IGSF10: variants seen among roughly 807,000 people sequenced by gnomAD.
IGSF10 encodes immunoglobulin superfamily member 10, also known as calvaria mechanical force protein 608.
A neutral mutation model predicts 128.2 loss-of-function variants in IGSF10; 126 were observed. The observed-to-expected ratio is 0.98, with a 90% CI of 0.85 to 1.14. The LOEUF (loss-of-function observed/expected upper bound fraction) is 1.14. IGSF10 is among the 50% of genes most tolerant of loss of function. The pLI is 0.00. For missense variants in IGSF10, 3,295 were observed against 3,149.8 expected, an observed-to-expected ratio of 1.05 and a Z score of -1.10; for synonymous variants, 1,185 against 1,146.2, an observed-to-expected ratio of 1.03 and a Z score of -0.68.
chr3:151,569,092 G>A, the IGSF10 span, among the ~76,000 whole-genome samples: 1 of 152,136 alleles, frequency 6.6e-6, no homozygotes, highest in Admixed American at 6.5e-5. Flanking sequence ...TTTAATTTGA[G>A]ACCGAATCTT....
the IGSF10 span, among the ~76,000 whole-genome samples, chr3:151,517,782 T>C: frequency 6.6e-6 from 1 of 151,962 alleles, no homozygotes; most frequent in Admixed American, 6.6e-5. Flanking sequence ...TCACTCTTGC[T>C]AAATGTAACA....
chr3:151,469,130 T>C, the IGSF10 span, among the ~76,000 whole-genome samples: 1 of 152,264 alleles, frequency 6.6e-6, no homozygotes, highest in African/African-American at 2.4e-5. Flanking sequence ...TCTTTATTCA[T>C]TCTATCATTG....
chr3:151,534,929 A>G, the IGSF10 span, among the ~76,000 whole-genome samples: 1 of 152,006 alleles, frequency 6.6e-6, no homozygotes. Context: ...GTTCTGTCAC[A>G]GTAGTTACAA....
At chr3:151,481,489 C>T in the IGSF10 span, among the ~76,000 whole-genome samples, 1 of 152,174 alleles carries the variant, frequency 6.6e-6, no homozygotes, top group South Asian at 2.1e-4. Flanking sequence ...CTTTCTTGCA[C>T]AGGCTAGTGC....
At chr3:151,504,314 A>G in the IGSF10 span, among the ~76,000 whole-genome samples, 1 of 152,146 alleles carries the variant, frequency 6.6e-6, no homozygotes, top group Non-Finnish European at 1.5e-5. Flanking sequence ...AAATGCTTGC[A>G]AAGGTGGTTT....
chr3:151,564,355 T>G, the IGSF10 span, among the ~76,000 whole-genome samples: 110,810 of 151,832 alleles, frequency 0.73, 40,626 homozygotes, highest in African/African-American at 0.79. Context: ...ATTGGCAGCT[T>G]TGGATCAAAT....
At chr3:151,618,054 C>T in the IGSF10 span, among the ~76,000 whole-genome samples, 1 of 152,062 alleles carries the variant, frequency 6.6e-6, no homozygotes, top group African/African-American at 2.4e-5. Context: ...AACCTAATCC[C>T]CAGTGTGATG....
At chr3:151,574,686 TTTG>T in the IGSF10 span, among the ~76,000 whole-genome samples, 1 of 152,180 alleles carries the variant, frequency 6.6e-6, no homozygotes, top group Admixed American at 6.5e-5. Context: ...CTCAGAGAAG[TTTG>T]TTATTACTGA....
At chr3:151,547,514 T>C in the IGSF10 span, among the ~76,000 whole-genome samples, 1 of 151,872 alleles carries the variant, frequency 6.6e-6, no homozygotes, top group African/African-American at 2.4e-5. Flanking sequence ...AGTATAGACA[T>C]CATGTATTCT....
At chr3:151,570,342 G>A in the IGSF10 span, among the ~76,000 whole-genome samples, 1 of 152,190 alleles carries the variant, frequency 6.6e-6, no homozygotes, top group Non-Finnish European at 1.5e-5. Context: ...CTAGTTTACA[G>A]TCCCACCAAC....
chr3:151,513,639 G>A, the IGSF10 span, among the ~76,000 whole-genome samples: 3 of 152,060 alleles, frequency 2.0e-5, no homozygotes, highest in Admixed American at 6.6e-5. Flanking sequence ...GGCAGGAGAA[G>A]GAAATAAAGG....
In IGSF10 at chr3:151,436,872, C is replaced by CTT. The variant is rs751776008; in HGVS notation, c.7688_7689insAA (p.Met2564ArgfsTer28). On this transcript the variant is annotated frameshift_variant, in exon 8 of 8. Transcript: ENST00000282466. LOFTEE classifies it low-confidence loss of function (END_TRUNC). ...TTGAGAGAAGGGAGTGGTCAGGCAT[C>CTT]TCCCATGTGATTTCTGGCTTGGGAA... The CTT allele has an allele frequency of 9.3e-6, 15 of 1,614,056 alleles. No homozygotes were observed. The highest frequency in any genetic ancestry group is 1.2e-5 in the Non-Finnish European group (14 of 1,180,040).
the IGSF10 span, among the ~76,000 whole-genome samples, chr3:151,474,917 C>T: frequency 6.6e-6 from 1 of 152,172 alleles, no homozygotes; most frequent in East Asian, 1.9e-4. Context: ...GAAAGACTTT[C>T]CCCCATGATT....
intron 5 of IGSF10, among the ~76,000 whole-genome samples, chr3:151,452,456 G>T (rs572927964): frequency 6.6e-6 from 1 of 152,024 alleles, no homozygotes; most frequent in Non-Finnish European, 1.5e-5. Context: ...GTAACATATT[G>T]CACTACCACT....
At chr3:151,508,034 C>A in the IGSF10 span, among the ~76,000 whole-genome samples, 1 of 151,782 alleles carries the variant, frequency 6.6e-6, no homozygotes, top group African/African-American at 2.4e-5. Context: ...TAAAACAGTT[C>A]AAAATTACTT....
In IGSF10 at chr3:151,453,787, A is replaced by AC. The variant is rs1338139880; in HGVS notation, c.325-14_325-13insG. ...TCATTTTTAAGACCTATGAATTAAA[A>AC]AAAAGAACATATTTATGTTGTCAAA... On this transcript the variant is annotated splice_polypyrimidine_tract_variant and intron_variant, in intron 4 of 7. Coordinates refer to ENST00000282466, the MANE Select transcript of IGSF10 (RefSeq NM_178822.5). The AC allele has an allele frequency of 2.1e-6, 3 of 1,430,810 alleles. No individual in the cohort carries two copies. In the African/African-American group the frequency reaches 4.3e-5, roughly 21 times the overall value. The allele number at this position is 1,430,810 out of a possible 1,614,324, so 88.6% of individuals were successfully genotyped here. A position where few individuals can be genotyped will look rare whatever the true frequency, so the allele number is the denominator to read the frequency against.
In IGSF10 at chr3:151,437,094, G is replaced by A. The variant is rs771272861; in HGVS notation, c.7467C>T (p.Gly2489=). The stretch of plus-strand genomic sequence containing the variant: ...CTGTTGCTTCTTTAATGACTAAGGT[G>A]CCATTGTCATGCAATATGTATTTCC... The part of the protein sequence containing the change: ...INGKYILHDN[G]TLVIKEATAY... The change falls in exon 8 of 8, where the codon GGC becomes GGT. Residue 2489 remains glycine, a synonymous_variant. Coordinates refer to ENST00000282466, the MANE Select transcript of IGSF10 (RefSeq NM_178822.5). 1.4e-5 allele frequency: 22 copies of A among 1,614,020 alleles called. No individual in the cohort carries two copies. Among genetic ancestry groups the A allele is most frequent in the Middle Eastern group, 1.6e-4 (1 of 6,084 alleles).
the IGSF10 span, among the ~76,000 whole-genome samples, chr3:151,543,223 C>T: frequency 2.0e-5 from 3 of 152,176 alleles, no homozygotes; most frequent in African/African-American, 7.2e-5. Context: ...CTGGGTCCAG[C>T]CTATGCTGCC....
chr3:151,437,065 T>C lies in IGSF10; in HGVS notation c.7496A>G (p.Tyr2499Cys), dbSNP rs746492662. The change falls in exon 8 of 8, where the codon TAT becomes TGT. Residue 2499 changes from tyrosine (Y) to cysteine (C), a missense_variant. Coordinates refer to ENST00000282466, the MANE Select transcript of IGSF10 (RefSeq NM_178822.5). ...GTLVIKEATAYDRGNYICKAQ... is the reference protein window; with the variant it reads ...GTLVIKEATACDRGNYICKAQ... ...CTTACAGATATAGTTTCCTCTGTCA[T>C]AAGCTGTTGCTTCTTTAATGACTAA... 1 of 1,614,234 alleles carries C rather than the reference T, an allele frequency of 6.2e-7. No homozygotes were observed. Among genetic ancestry groups the C allele is most frequent in the Non-Finnish European group, 8.5e-7 (1 of 1,180,020 alleles).
Sources: gnomAD v4.1 joint callset for allele counts (sites outside exome capture counted in the v4.1 genomes callset) on GRCh38, gnomAD v4.1.1 for gene constraint, MANE v1.5 for transcripts, NCBI Gene and HGNC (gene_info 2026-07-23, HGNC 2026-07-21) for gene names.